DCAF8L2: variants seen among roughly 807,000 people sequenced by gnomAD.
The protein encoded by DCAF8L2 is DDB1- and CUL4-associated factor 8-like protein 2.
For synonymous variants in DCAF8L2, 200 were observed against 190.9 expected (o/e 1.05, Z -0.39); for missense variants, 430 against 490.7 (o/e 0.88, Z 1.17).
chrX:27,645,726 T>C (rs1928913642), intron 2 of DCAF8L2, among the ~76,000 whole-genome samples: 1 of 111,334 alleles, frequency 9.0e-6, no homozygotes, highest in Admixed American at 9.6e-5. Flanking sequence ...AATCTCAGGA[T>C]ACAAAATCAA....
At chrX:27,510,146 CTGTT>C in the DCAF8L2 span, among the ~76,000 whole-genome samples, 141 of 110,962 alleles carry the variant, frequency 1.3e-3, no homozygotes, top group African/African-American at 4.4e-3. Context: ...TCAGTTAAAA[CTGTT>C]TGTTCCAAGA....
chrX:27,471,397 A>T, the DCAF8L2 span, among the ~76,000 whole-genome samples: 1 of 110,866 alleles, frequency 9.0e-6, no homozygotes, highest in East Asian at 2.9e-4. Flanking sequence ...CTTGCATACT[A>T]CTTTCTATAA....
the DCAF8L2 span, among the ~76,000 whole-genome samples, chrX:27,479,385 C>T: frequency 2.7e-5 from 3 of 111,092 alleles, no homozygotes; most frequent in Middle Eastern, 4.7e-3. Flanking sequence ...AAGCTGCACC[C>T]GGATTCCTGA....
At chrX:27,571,303 C>A in the DCAF8L2 span, among the ~76,000 whole-genome samples, 1 of 111,448 alleles carries the variant, frequency 9.0e-6, no homozygotes, top group African/African-American at 3.3e-5. Flanking sequence ...TCCAAAGGTC[C>A]CCAGGCAAAA....
the DCAF8L2 span, among the ~76,000 whole-genome samples, chrX:27,545,211 A>G: frequency 9.0e-6 from 1 of 111,432 alleles, no homozygotes; most frequent in Non-Finnish European, 1.9e-5. Flanking sequence ...TCTAGTCATC[A>G]TATCCCTGCA....
chrX:27,522,091 G>C, the DCAF8L2 span, among the ~76,000 whole-genome samples: 1 of 112,227 alleles, frequency 8.9e-6, no homozygotes, highest in Non-Finnish European at 1.9e-5. Flanking sequence ...GCAGTGGCGC[G>C]ATCTCGGCTC....
intron 2 of DCAF8L2, chrX:27,633,770 A>T (rs1928387010): frequency 8.9e-6 from 1 of 112,030 alleles, no homozygotes; most frequent in Non-Finnish European, 1.9e-5. Context: ...TTGAGTCCAT[A>T]ATAAATCTTG....
intron 2 of DCAF8L2, among the ~76,000 whole-genome samples, chrX:27,656,845 G>A (rs1929371749): frequency 9.0e-6 from 1 of 111,332 alleles, no homozygotes; most frequent in Non-Finnish European, 1.9e-5. Context: ...TTTAGTGGGA[G>A]GAACTGAAAA....
chrX:27,493,706 C>CAAAAA, the DCAF8L2 span, among the ~76,000 whole-genome samples: 1 of 18,390 alleles, frequency 5.4e-5, no homozygotes, highest in African/African-American at 1.4e-4. Context: ...AACTCCATCT[C>CAAAAA]AAAAAAAAAA....
chrX:27,614,183 G>A (rs1156780770), intron 1 of DCAF8L2, among the ~76,000 whole-genome samples: 1 of 110,549 alleles, frequency 9.0e-6, no homozygotes, highest in African/African-American at 3.3e-5. Flanking sequence ...AGTCTTGGGA[G>A]GGTGTATGTG....
the DCAF8L2 span, among the ~76,000 whole-genome samples, chrX:27,531,137 C>G: frequency 9.0e-6 from 1 of 111,728 alleles, no homozygotes; most frequent in Non-Finnish European, 1.9e-5. Context: ...AAGACATACC[C>G]AAGACTGGGT....
the DCAF8L2 span, among the ~76,000 whole-genome samples, chrX:27,475,961 T>C: frequency 9.0e-6 from 1 of 111,147 alleles, no homozygotes; most frequent in African/African-American, 3.3e-5. Context: ...ATCTTATGCC[T>C]GGGAAGGGAA....
At chrX:27,717,883 A>G (rs936921266) in intron 4 of DCAF8L2, among the ~76,000 whole-genome samples, 1 of 112,258 alleles carries the variant, frequency 8.9e-6, no homozygotes, top group African/African-American at 3.2e-5. Flanking sequence ...AACCATGTAC[A>G]GTTCTGATTG....
chrX:27,745,273 T>C, intron 4 of DCAF8L2, among the ~76,000 whole-genome samples: 1 of 112,523 alleles, frequency 8.9e-6, no homozygotes, highest in Non-Finnish European at 1.9e-5. Flanking sequence ...TTCTTCTCTT[T>C]TTGAAATTTA....
chrX:27,485,616 A>G, the DCAF8L2 span, among the ~76,000 whole-genome samples: 1 of 111,620 alleles, frequency 9.0e-6, no homozygotes, highest in South Asian at 3.7e-4. Context: ...GAATCAATAA[A>G]CCATTTTAAA....
At chrX:27,569,697 A>G in the DCAF8L2 span, among the ~76,000 whole-genome samples, 1 of 111,963 alleles carries the variant, frequency 8.9e-6, no homozygotes, top group Middle Eastern at 4.6e-3. Context: ...AAAGTATGCA[A>G]AATTAAAGAT....
chrX:27,548,741 T>C, the DCAF8L2 span, among the ~76,000 whole-genome samples: 1 of 112,132 alleles, frequency 8.9e-6, no homozygotes, highest in African/African-American at 3.2e-5. Context: ...CATTCTGCTA[T>C]AAAGAGATAA....
chrX:27,698,794 A>G (rs1448813855), intron 3 of DCAF8L2, among the ~76,000 whole-genome samples: 1 of 112,186 alleles, frequency 8.9e-6, no homozygotes, highest in African/African-American at 3.2e-5. Context: ...GTATGAAACA[A>G]TTGAATTGAT....
At chrX:27,723,714 G>A (rs1433059211) in intron 4 of DCAF8L2, among the ~76,000 whole-genome samples, 1 of 110,958 alleles carries the variant, frequency 9.0e-6, no homozygotes, top group Non-Finnish European at 1.9e-5. Context: ...TTCTCTTCCA[G>A]GTATTTGTCC....
Sources: gnomAD v4.1 joint callset for allele counts (sites outside exome capture counted in the v4.1 genomes callset) on GRCh38, gnomAD v4.1.1 for gene constraint, MANE v1.5 for transcripts, NCBI Gene and HGNC (gene_info 2026-07-23, HGNC 2026-07-21) for gene names.